Variants in NSUN3 observed in about 807,000 individuals in gnomAD.
NSUN3 encodes tRNA (cytosine(34)-C(5))-methyltransferase, mitochondrial.
NSUN3 carries 24 observed loss-of-function variants against 36.8 expected under a neutral mutation model. That is an observed-to-expected ratio of 0.65 (90% CI 0.47 to 0.92). The LOEUF is 0.92. Ranked by LOEUF, NSUN3 falls within the 40% of genes least tolerant of loss-of-function variation. The pLI, the probability that NSUN3 is intolerant of heterozygous loss-of-function variation, is 0.00. For synonymous variants in NSUN3, 146 were observed against 145.2 expected (o/e 1.01, Z -0.04); for missense variants, 381 against 392.8 (o/e 0.97, Z 0.25).
At chr3:94,099,463 A>T (rs1025225338) in intron 5 of NSUN3, among the ~76,000 whole-genome samples, 1 of 152,138 alleles carries the variant, frequency 6.6e-6, no homozygotes, top group African/African-American at 2.4e-5. Context: ...AACTGACATC[A>T]CATTGAATGT....
In NSUN3 at chr3:94,126,714, G is replaced by C. The variant is rs755737439; in HGVS notation, c.*224G>C. Reference sequence around the variant, plus strand: ...ATTTAAGGTGGTGCAGATGGTGTTTGTTCTATATTATAAATCTGCTGTCTT... The same window carrying C: ...ATTTAAGGTGGTGCAGATGGTGTTTCTTCTATATTATAAATCTGCTGTCTT... On this transcript the variant is annotated 3_prime_UTR_variant, in exon 6 of 6. Coordinates refer to ENST00000314622, the MANE Select transcript of NSUN3 (RefSeq NM_022072.5). 7.4e-5 allele frequency: 33 copies of C among 446,528 alleles called. No individual in the cohort carries two copies. The highest frequency in any genetic ancestry group is 1.2e-4 in the Non-Finnish European group (30 of 252,552). The allele number at this position is 446,528 out of a possible 1,614,324, so 27.7% of individuals were successfully genotyped here.
intron 5 of NSUN3, among the ~76,000 whole-genome samples, chr3:94,112,756 C>A (rs1026662546): frequency 1.3e-5 from 2 of 152,170 alleles, no homozygotes; most frequent in Non-Finnish European, 2.9e-5. Flanking sequence ...ATTAAAAATC[C>A]CATTACTATG....
At chr3:94,086,437 C>G (rs1425241063) in intron 3 of NSUN3, among the ~76,000 whole-genome samples, 1 of 152,232 alleles carries the variant, frequency 6.6e-6, no homozygotes. Flanking sequence ...AGTTGATGAT[C>G]TGAAAATGGA....
intron 5 of NSUN3, among the ~76,000 whole-genome samples, chr3:94,123,992 T>C (rs900974279): frequency 1.3e-5 from 2 of 152,166 alleles, no homozygotes; most frequent in Non-Finnish European, 2.9e-5. Flanking sequence ...TGTATGTATG[T>C]ATATGTGTAT....
At chr3:94,116,029 A>G (rs1015948012) in intron 5 of NSUN3, among the ~76,000 whole-genome samples, 6 of 152,144 alleles carry the variant, frequency 3.9e-5, no homozygotes, top group Admixed American at 2.6e-4. Flanking sequence ...GTTTTATTTT[A>G]GTTTTTCAAG....
intron 5 of NSUN3, 110 bp from the exon 6 acceptor site, chr3:94,126,101 G>A: frequency 1.2e-6 from 1 of 847,052 alleles, no homozygotes; most frequent in Non-Finnish European, 1.8e-6. Flanking sequence ...AGTAATTGCA[G>A]TCTAAGTCAG....
intron 2 of NSUN3, among the ~76,000 whole-genome samples, chr3:94,066,499 T>A (rs754418311): frequency 6.6e-6 from 1 of 152,242 alleles, no homozygotes; most frequent in African/African-American, 2.4e-5. Flanking sequence ...TTATTCAATA[T>A]TTTTAGTTTC....
chr3:94,114,552 A>C (rs2077431845), intron 5 of NSUN3, among the ~76,000 whole-genome samples: 1 of 152,164 alleles, frequency 6.6e-6, no homozygotes, highest in African/African-American at 2.4e-5. Context: ...TCTGGACCAA[A>C]TCCACATTCT....
chr3:94,086,026 C>T (rs1341541734), intron 3 of NSUN3, among the ~76,000 whole-genome samples: 1 of 151,724 alleles, frequency 6.6e-6, no homozygotes, highest in Non-Finnish European at 1.5e-5. Context: ...TCACTCCAAC[C>T]TCTGCCTCCC....
chr3:94,118,605 C>T (rs2077449666), intron 5 of NSUN3, among the ~76,000 whole-genome samples: 1 of 151,900 alleles, frequency 6.6e-6, no homozygotes, highest in Non-Finnish European at 1.5e-5. Context: ...GGGGCCATAG[C>T]TCATTTGGAC....
intron 5 of NSUN3, among the ~76,000 whole-genome samples, chr3:94,112,905 C>G (rs1302434989): frequency 6.6e-6 from 1 of 152,060 alleles, no homozygotes; most frequent in Non-Finnish European, 1.5e-5. Context: ...TGCTCTGTGG[C>G]CCGGGCTGGA....
At chr3:94,100,504 G>A (rs906366160) in intron 5 of NSUN3, among the ~76,000 whole-genome samples, 5 of 152,132 alleles carry the variant, frequency 3.3e-5, no homozygotes, top group Non-Finnish European at 7.3e-5. Context: ...GTAAGACATC[G>A]ATCAAAGTCT....
At chr3:94,117,275 C>T (rs2077444199) in intron 5 of NSUN3, among the ~76,000 whole-genome samples, 1 of 152,066 alleles carries the variant, frequency 6.6e-6, no homozygotes, top group Non-Finnish European at 1.5e-5. Context: ...GCTGGGATTA[C>T]AGACGTGAGT....
rs2077232386 is a variant in NSUN3, at chr3:94,073,073, A to T, written c.122+8527A>T. ...GCAGTGTTTAATTTTCTGTTCTGTG[A>T]TAGTTTGCTGAGAATGATGGTTTCC... is the stretch of plus-strand genomic sequence containing the variant. On this transcript the variant is annotated intron_variant, in intron 2 of 5. Transcript: ENST00000314622. Among the ~76,000 whole-genome samples, 3 of 152,002 alleles carry T rather than the reference A, an allele frequency of 2.0e-5. No homozygotes were observed. The South Asian group carries it at 6.2e-4, about 32-fold the overall frequency.
intron 5 of NSUN3, among the ~76,000 whole-genome samples, chr3:94,121,377 A>G (rs190477618): frequency 6.6e-5 from 10 of 152,276 alleles, no homozygotes; most frequent in Non-Finnish European, 1.2e-4. Flanking sequence ...TTGTGATTAC[A>G]TCAGGCCCAC....
At chr3:94,090,258 T>A (rs1199988962) in intron 3 of NSUN3, among the ~76,000 whole-genome samples, 1 of 152,150 alleles carries the variant, frequency 6.6e-6, no homozygotes, top group Non-Finnish European at 1.5e-5. Context: ...ATTGTCTCAA[T>A]GTAGTAAGTG....
intron 2 of NSUN3, among the ~76,000 whole-genome samples, chr3:94,072,196 G>A (rs564383288): frequency 7.9e-5 from 12 of 152,172 alleles, no homozygotes; most frequent in Non-Finnish European, 1.6e-4. Flanking sequence ...TGAGGGTTGG[G>A]GTAAAATTCT....
intron 5 of NSUN3, among the ~76,000 whole-genome samples, chr3:94,125,354 A>C (rs1449506418): frequency 6.6e-6 from 1 of 152,210 alleles, no homozygotes; most frequent in Non-Finnish European, 1.5e-5. Flanking sequence ...GAGACCTTTT[A>C]TCTGGTGATA....
At position 94,069,495 on chromosome 3, in the gene NSUN3, C is replaced by G. The variant is rs114210718; in HGVS notation, c.122+4949C>G. ...TGGAAATTTAAATAGGTTCTGTAATCTACAGGGTTATATTAATTGTGTTTA... is the reference window on the plus strand; with the variant it reads ...TGGAAATTTAAATAGGTTCTGTAATGTACAGGGTTATATTAATTGTGTTTA... On this transcript the variant is annotated intron_variant, in intron 2 of 5. Transcript: ENST00000314622. 4.4e-3 allele frequency among the ~76,000 whole-genome samples: 665 copies of G among 152,196 alleles called. 6 individuals are homozygous for G. The highest frequency in any genetic ancestry group is 0.014 in the African/African-American group (599 of 41,536).
Sources: gnomAD v4.1 joint callset for allele counts (sites outside exome capture counted in the v4.1 genomes callset) on GRCh38, gnomAD v4.1.1 for gene constraint, MANE v1.5 for transcripts, NCBI Gene and HGNC (gene_info 2026-07-23, HGNC 2026-07-21) for gene names.